Variants in POU2F1 observed in about 807,000 individuals in gnomAD.
POU2F1 encodes the protein POU class 2 homeobox 1, also known as POU domain, class 2, transcription factor 1.
In POU2F1, 16 loss-of-function variants were observed where a neutral mutation model predicts 84.9. The ratio of observed to expected loss-of-function variants is 0.19; its 90% CI spans 0.13 to 0.29. The LOEUF is 0.29. POU2F1 is among the 10% of genes least tolerant of loss of function. The pLI is 1.00. For missense variants in POU2F1, 738 were observed against 942.6 expected, an observed-to-expected ratio of 0.78 and a Z score of 2.84; for synonymous variants, 368 against 368.3, an observed-to-expected ratio of 1.00 and a Z score of 0.01.
chr1:167,402,067 T>G (rs1649252247), intron 13 of POU2F1, among the ~76,000 whole-genome samples: 1 of 152,258 alleles, frequency 6.6e-6, no homozygotes, highest in Admixed American at 6.5e-5. Flanking sequence ...AAGATTTGAT[T>G]ATTCTTTTTG....
intron 1 of POU2F1, among the ~76,000 whole-genome samples, chr1:167,291,044 GAAAAAAA>G (rs56798282): frequency 0.036 from 4,258 of 117,416 alleles, 218 homozygotes; most frequent in African/African-American, 0.12. Context: ...GACCCTGTCA[GAAAAAAA>G]AAAAAAAAAA....
chr1:167,312,033 C>G (rs1224922913), intron 1 of POU2F1, among the ~76,000 whole-genome samples: 3 of 152,008 alleles, frequency 2.0e-5, no homozygotes, highest in Non-Finnish European at 2.9e-5. Context: ...CTCCTGGGTT[C>G]AAGCAATTCT....
intron 9 of POU2F1, among the ~76,000 whole-genome samples, chr1:167,395,033 C>A (rs143183269): frequency 6.6e-6 from 1 of 152,038 alleles, no homozygotes; most frequent in Admixed American, 6.5e-5. Flanking sequence ...TACTTTGGAC[C>A]AGAAATGATG....
chr1:167,396,914 G>A (rs1267070040), intron 10 of POU2F1: 1 of 153,484 alleles, frequency 6.5e-6, no homozygotes, highest in Non-Finnish European at 1.4e-5. Flanking sequence ...CCTTTTGGAA[G>A]ATTGGAATTT....
intron 2 of POU2F1, among the ~76,000 whole-genome samples, chr1:167,355,638 A>C (rs1372349782): frequency 6.6e-6 from 1 of 152,208 alleles, no homozygotes; most frequent in Non-Finnish European, 1.5e-5. Context: ...TTGAGCTGGC[A>C]TCTGTCTATA....
In POU2F1 at chr1:167,420,003, C is replaced by T. The variant is rs1650546665; in HGVS notation, c.*4193C>T. On this transcript the variant is annotated 3_prime_UTR_variant, in exon 16 of 16. Transcript: ENST00000367866. ...TTTAATGTTATTTTCTTCCATTATC[C>T]CTCATTTATTTGGAAAGATAAGGGA... The T allele has an allele frequency of 6.6e-6, 1 of 151,940 alleles. No homozygotes were observed. The highest frequency in any genetic ancestry group is 1.5e-5 in the Non-Finnish European group (1 of 68,000). 9.4% of individuals were successfully genotyped at this position (151,940 alleles called of 1,614,324 possible). A position where few individuals can be genotyped will look rare whatever the true frequency, so the allele number is the denominator to read the frequency against.
intron 2 of POU2F1, among the ~76,000 whole-genome samples, chr1:167,337,093 G>A (rs1359462916): frequency 2.0e-5 from 3 of 151,904 alleles, no homozygotes. Flanking sequence ...ACCTCAGGAG[G>A]TGGAGGTTGC....
At chr1:167,380,696 A>G (rs964656457) in intron 7 of POU2F1, 1 of 152,240 alleles carries the variant, frequency 6.6e-6, no homozygotes, top group East Asian at 1.9e-4. Flanking sequence ...TGGAATTTTA[A>G]TAATGTTTCC....
At chr1:167,286,365 A>C (rs1030174985) in intron 1 of POU2F1, among the ~76,000 whole-genome samples, 1 of 152,154 alleles carries the variant, frequency 6.6e-6, no homozygotes, top group Non-Finnish European at 1.5e-5. Flanking sequence ...TTACTGTCTC[A>C]TGTGGCACAG....
intron 1 of POU2F1, among the ~76,000 whole-genome samples, chr1:167,261,528 T>A (rs1651567855): frequency 1.3e-5 from 2 of 152,158 alleles, no homozygotes; most frequent in Admixed American, 1.3e-4. Flanking sequence ...ACACATTGTT[T>A]TAGATAATCT....
At chr1:167,292,874 A>G (rs1318498047) in intron 1 of POU2F1, among the ~76,000 whole-genome samples, 1 of 152,176 alleles carries the variant, frequency 6.6e-6, no homozygotes, top group Non-Finnish European at 1.5e-5. Flanking sequence ...TAAATGTGAT[A>G]CATCACATAA....
chr1:167,221,879 A>T (rs955684255), intron 1 of POU2F1, among the ~76,000 whole-genome samples: 3 of 151,346 alleles, frequency 2.0e-5, no homozygotes. Flanking sequence ...TTCCGAGGGG[A>T]TGTCCTCTGG....
At chr1:167,263,430 T>C (rs768613089) in intron 1 of POU2F1, among the ~76,000 whole-genome samples, 6 of 151,908 alleles carry the variant, frequency 3.9e-5, no homozygotes, top group Non-Finnish European at 7.4e-5. Context: ...TGAGACAGAA[T>C]TGCTTGAACC....
At chr1:167,351,498 A>T (rs1455594727) in intron 2 of POU2F1, among the ~76,000 whole-genome samples, 1 of 141,384 alleles carries the variant, frequency 7.1e-6, no homozygotes, top group Non-Finnish European at 1.5e-5. Flanking sequence ...CAGCCTGGTC[A>T]GGAAGAATGA....
chr1:167,317,686 C>G (rs1656008838), intron 1 of POU2F1, among the ~76,000 whole-genome samples: 1 of 152,200 alleles, frequency 6.6e-6, no homozygotes, highest in Non-Finnish European at 1.5e-5. Flanking sequence ...AGTTTTCCAT[C>G]CTGGGTGGGC....
intron 13 of POU2F1, among the ~76,000 whole-genome samples, chr1:167,404,062 G>C (rs1371647549): frequency 6.6e-6 from 1 of 151,746 alleles, no homozygotes; most frequent in Non-Finnish European, 1.5e-5. Flanking sequence ...ATCTTATACT[G>C]TTCTAAAATT....
At chr1:167,385,021 A>G (rs1647858160) in intron 8 of POU2F1, among the ~76,000 whole-genome samples, 1 of 152,160 alleles carries the variant, frequency 6.6e-6, no homozygotes, top group Non-Finnish European at 1.5e-5. Context: ...CAAACTCAAT[A>G]TATAAAAATC....
At chr1:167,355,757 A>G (rs1003951732) in intron 2 of POU2F1, among the ~76,000 whole-genome samples, 2 of 151,488 alleles carry the variant, frequency 1.3e-5, no homozygotes, top group South Asian at 4.2e-4. Context: ...CACCTCTCAA[A>G]TCTCTGGGAT....
At chr1:167,393,571 T>C (rs1648581077) in intron 9 of POU2F1, among the ~76,000 whole-genome samples, 1 of 152,122 alleles carries the variant, frequency 6.6e-6, no homozygotes, top group Non-Finnish European at 1.5e-5. Flanking sequence ...CAATTATAGC[T>C]CACTGCAGCC....
Sources: allele counts gnomAD v4.1 joint callset (sites outside exome capture counted in the v4.1 genomes callset), GRCh38; gene constraint gnomAD v4.1.1; transcripts MANE v1.5; gene names NCBI Gene and HGNC (gene_info 2026-07-23, HGNC 2026-07-21).